LIPM: variants seen among roughly 807,000 people sequenced by gnomAD.
The protein encoded by LIPM is lipase family member M.
In LIPM, 42 loss-of-function variants were observed where a neutral mutation model predicts 42.4. That is an observed-to-expected ratio of 0.99 (90% CI 0.77 to 1.28). LIPM has a LOEUF of 1.28. LIPM is among the 50% of genes most tolerant of loss of function. The probability of loss-of-function intolerance (pLI) is 0.00; values close to 1 mark genes in which losing one functional copy is unlikely to be tolerated. For missense variants in LIPM, 524 were observed against 520.1 expected (o/e 1.01, Z -0.07); for synonymous variants, 177 against 173.3 (o/e 1.02, Z -0.17).
intron 7 of LIPM, 52 bp from the exon 8 acceptor site, chr10:88,817,773 C>G: frequency 7.8e-7 from 1 of 1,279,784 alleles, no homozygotes; most frequent in Admixed American, 2.0e-5. Flanking sequence ...CACCCCACCA[C>G]GCTTATCCAC....
At chr10:88,815,885 A>T (rs1332025974) in intron 6 of LIPM, among the ~76,000 whole-genome samples, 1 of 152,062 alleles carries the variant, frequency 6.6e-6, no homozygotes, top group African/African-American at 2.4e-5. Context: ...AACATCAGGG[A>T]CCTTCATTTT....
intron 1 of LIPM, among the ~76,000 whole-genome samples, chr10:88,806,203 T>C (rs754119693): frequency 6.6e-6 from 1 of 152,214 alleles, no homozygotes; most frequent in Non-Finnish European, 1.5e-5. Context: ...CTGTAGACAA[T>C]GTTTGCAGCA....
intron 6 of LIPM, among the ~76,000 whole-genome samples, chr10:88,816,322 TTTC>T (rs1193730887): frequency 6.6e-6 from 1 of 152,210 alleles, no homozygotes; most frequent in African/African-American, 2.4e-5. Context: ...CTGAATATTT[TTTC>T]TTCTTCTTTA....
chr10:88,811,037 C>T (rs1843648863), intron 2 of LIPM, among the ~76,000 whole-genome samples: 1 of 152,174 alleles, frequency 6.6e-6, no homozygotes, highest in Non-Finnish European at 1.5e-5. Flanking sequence ...CACAGTGACC[C>T]ACACGTTCTC....
At chr10:88,805,044 G>A (rs994843355) in intron 1 of LIPM, among the ~76,000 whole-genome samples, 1 of 152,076 alleles carries the variant, frequency 6.6e-6, no homozygotes, top group Non-Finnish European at 1.5e-5. Flanking sequence ...ATGGATTATG[G>A]TCTATCTTAT....
At chr10:88,805,638 C>T (rs1052701735) in intron 1 of LIPM, among the ~76,000 whole-genome samples, 1 of 152,050 alleles carries the variant, frequency 6.6e-6, no homozygotes, top group African/African-American at 2.4e-5. Context: ...TACTATTTTC[C>T]AACGTTTTTT....
chr10:88,808,617 C>A (rs1266456425), intron 2 of LIPM, among the ~76,000 whole-genome samples: 8 of 152,160 alleles, frequency 5.3e-5, no homozygotes, highest in African/African-American at 1.7e-4. Context: ...CTCAATTAAA[C>A]ATACAGTGTT....
At chr10:88,812,017 A>T (rs1488095347) in intron 2 of LIPM, among the ~76,000 whole-genome samples, 3 of 152,206 alleles carry the variant, frequency 2.0e-5, no homozygotes, top group African/African-American at 7.2e-5. Flanking sequence ...CTAATCCAGG[A>T]TCATTTACTA....
intron 8 of LIPM, among the ~76,000 whole-genome samples, chr10:88,818,866 C>A (rs536836519): frequency 1.3e-5 from 2 of 152,144 alleles, no homozygotes; most frequent in East Asian, 3.9e-4. Flanking sequence ...GAAAGTATTT[C>A]TGTTCAAAGA....
At chr10:88,803,364 T>C (rs1386808879) in intron 1 of LIPM, among the ~76,000 whole-genome samples, 7 of 152,206 alleles carry the variant, frequency 4.6e-5, no homozygotes, top group African/African-American at 7.2e-5. Flanking sequence ...AGTCCCTTGA[T>C]TATTTCCATT....
intron 1 of LIPM, among the ~76,000 whole-genome samples, chr10:88,808,036 A>T (rs1437312369): frequency 6.6e-6 from 1 of 152,212 alleles, no homozygotes; most frequent in Non-Finnish European, 1.5e-5. Context: ...CATATCTAAC[A>T]GATTAGTCCA....
intron 1 of LIPM, among the ~76,000 whole-genome samples, chr10:88,803,450 G>A (rs1843551463): frequency 6.6e-6 from 1 of 151,854 alleles, no homozygotes; most frequent in African/African-American, 2.4e-5. Context: ...TGCTATCAGG[G>A]CACACACTTC....
At chr10:88,809,031 C>T (rs1254604292) in intron 2 of LIPM, among the ~76,000 whole-genome samples, 5 of 151,230 alleles carry the variant, frequency 3.3e-5, no homozygotes, top group African/African-American at 7.3e-5. Flanking sequence ...CTCAGCTCAC[C>T]GCAACCTCCG....
Position 88,817,012 on chromosome 10 carries a change from C to T in LIPM, c.930+125C>T, listed in dbSNP as rs1311441226. The T allele has an allele frequency of 2.5e-5, 18 of 725,974 alleles. No individual in the cohort carries two copies. In the Admixed American group the frequency reaches 3.0e-4, roughly 12 times the overall value. The allele number at this position is 725,974 out of a possible 1,614,324, so 45.0% of individuals were successfully genotyped here. On this transcript the variant is annotated intron_variant, in intron 7 of 8. Coordinates refer to ENST00000404743, the MANE Select transcript of LIPM (RefSeq NM_001128215.1). ...CTTATTCTAAGATGAAATGCAGTAT[C>T]GTCGATGCTATTTTGATGGAGAATT... is the stretch of plus-strand genomic sequence containing the variant.
Position 88,810,442 on chromosome 10 carries a change from G to A in LIPM, c.265+2027G>A, listed in dbSNP as rs149328415. On this transcript the variant is annotated intron_variant, in intron 2 of 8. Coordinates refer to ENST00000404743, the MANE Select transcript of LIPM (RefSeq NM_001128215.1). ...GGAATCTGCCTCCTTGTTCCAGTCCGTGCAGAATACTTCCCTCTAGTGGCC... is the reference window on the plus strand; with the variant it reads ...GGAATCTGCCTCCTTGTTCCAGTCCATGCAGAATACTTCCCTCTAGTGGCC... Among the ~76,000 whole-genome samples, 12 of 151,304 alleles carry A rather than the reference G, an allele frequency of 7.9e-5. No individual in the cohort carries two copies. In the East Asian group the frequency reaches 1.2e-3, roughly 15 times the overall value.
chr10:88,812,603 A>G (rs891713498), intron 2 of LIPM, among the ~76,000 whole-genome samples: 5 of 152,206 alleles, frequency 3.3e-5, no homozygotes, highest in African/African-American at 1.2e-4. Context: ...ATTATTTACT[A>G]TAATTATTTT....
intron 6 of LIPM, among the ~76,000 whole-genome samples, chr10:88,816,077 G>T (rs912800986): frequency 3.3e-5 from 5 of 152,160 alleles, no homozygotes; most frequent in Non-Finnish European, 7.4e-5. Flanking sequence ...AGACTTAGTT[G>T]ATCCTGCAGG....
intron 3 of LIPM, among the ~76,000 whole-genome samples, chr10:88,813,584 G>T (rs1013254682): frequency 2.1e-5 from 3 of 140,792 alleles, no homozygotes; most frequent in Non-Finnish European, 4.7e-5. Flanking sequence ...CTCATGGGGA[G>T]GGGCGGGTAA....
Position 88,817,886 on chromosome 10 carries a change from A to G in LIPM, c.992A>G (p.Lys331Arg). 1 of 1,551,182 alleles carries G rather than the reference A, an allele frequency of 6.4e-7. No individual in the cohort carries two copies. The highest frequency in any genetic ancestry group is 8.7e-7 in the Non-Finnish European group (1 of 1,146,516). ...DWGSETKNLE[K>R]CNQPTPVRYR... ...GGGAGTGAGACCAAAAATCTGGAAA[A>G]ATGCAATCAGGTAAGAAAATCAAAT... Residue 331 changes from lysine (K) to arginine (R), a missense_variant, in exon 8 of 9, where the codon AAA (lysine) becomes AGA (arginine). By Grantham distance (26) the Lys-to-Arg change is conservative. Transcript: ENST00000404743.
Sources: allele counts gnomAD v4.1 joint callset (sites outside exome capture counted in the v4.1 genomes callset), GRCh38; gene constraint gnomAD v4.1.1; transcripts MANE v1.5; gene names NCBI Gene and HGNC (gene_info 2026-07-23, HGNC 2026-07-21).